Variants in SH3BGRL2 observed in about 807,000 individuals in gnomAD.
SH3BGRL2 encodes the protein SH3 domain binding glutamate rich protein like 2, also known as SH3 domain-binding glutamic acid-rich-like protein 2.
In SH3BGRL2, 21 loss-of-function variants were observed where a neutral mutation model predicts 14.8. The observed-to-expected ratio is 1.42, with a 90% CI of 1.01 to 2.05. The LOEUF (loss-of-function observed/expected upper bound fraction) is 2.05. Among genes scored for constraint, SH3BGRL2 ranks in the 30% most tolerant of loss-of-function variants. SH3BGRL2 has a pLI of 0.00. For synonymous variants in SH3BGRL2, 50 were observed against 47.8 expected (o/e 1.05, Z -0.19); for missense variants, 147 against 130.8 (o/e 1.12, Z -0.61).
upstream of SH3BGRL2, among the ~76,000 whole-genome samples, chr6:79,629,644 C>T (rs149252406): frequency 6.6e-6 from 1 of 152,318 alleles, no homozygotes; most frequent in Non-Finnish European, 1.5e-5. Context: ...TCTCACCCTG[C>T]ATCCTCCCTA....
intron 1 of SH3BGRL2, among the ~76,000 whole-genome samples, chr6:79,647,301 T>G (rs1408350026): frequency 6.6e-6 from 1 of 152,164 alleles, no homozygotes; most frequent in Admixed American, 6.5e-5. Context: ...TAATGTTGTT[T>G]TTTTTTAAAG....
the SH3BGRL2 span, among the ~76,000 whole-genome samples, chr6:79,560,179 C>A: frequency 6.6e-6 from 1 of 151,950 alleles, no homozygotes; most frequent in Non-Finnish European, 1.5e-5. Context: ...TCGAATATGA[C>A]CTAAACAAAG....
At chr6:79,612,759 T>G in the SH3BGRL2 span, among the ~76,000 whole-genome samples, 1 of 152,330 alleles carries the variant, frequency 6.6e-6, no homozygotes, top group Non-Finnish European at 1.5e-5. Flanking sequence ...CTCAAAAACC[T>G]ACTTGGTTTC....
the SH3BGRL2 span, among the ~76,000 whole-genome samples, chr6:79,614,673 C>T: frequency 6.6e-6 from 1 of 152,140 alleles, no homozygotes; most frequent in African/African-American, 2.4e-5. Flanking sequence ...ATGTTGAAGC[C>T]CTCACCCCTA....
At chr6:79,651,130 G>A (rs931483735) in intron 1 of SH3BGRL2, among the ~76,000 whole-genome samples, 1 of 152,076 alleles carries the variant, frequency 6.6e-6, no homozygotes, top group East Asian at 1.9e-4. Flanking sequence ...TTGCAGAGTG[G>A]CATCTACGCA....
intron 1 of SH3BGRL2, among the ~76,000 whole-genome samples, chr6:79,637,157 A>G (rs1170659050): frequency 6.6e-6 from 1 of 152,194 alleles, no homozygotes. Context: ...AGAAAATAGG[A>G]TTTATTAATA....
the SH3BGRL2 span, among the ~76,000 whole-genome samples, chr6:79,604,458 G>A: frequency 6.6e-6 from 1 of 152,144 alleles, no homozygotes. Context: ...AAGCATGTTG[G>A]AGAATGTTCC....
At position 79,651,109 on chromosome 6, in the gene SH3BGRL2, A is replaced by G. The variant is rs565875259; in HGVS notation, c.45+19603A>G. 4.6e-5 allele frequency among the ~76,000 whole-genome samples: 7 copies of G among 152,262 alleles called. No homozygotes were observed. The South Asian group carries it at 1.5e-3, about 32-fold the overall frequency. On this transcript the variant is annotated intron_variant, in intron 1 of 3. Transcript: ENST00000369838. ...CAGAAATGAGAACAACATATTACAA[A>G]ACACATTGTGTTGCAGAGTGGCATC...
the SH3BGRL2 span, among the ~76,000 whole-genome samples, chr6:79,584,892 C>A: frequency 6.6e-6 from 1 of 152,130 alleles, no homozygotes; most frequent in Non-Finnish European, 1.5e-5. Context: ...ATAGGATTCT[C>A]TCTTACAGAT....
At chr6:79,583,380 C>T in the SH3BGRL2 span, among the ~76,000 whole-genome samples, 1 of 152,184 alleles carries the variant, frequency 6.6e-6, no homozygotes, top group Non-Finnish European at 1.5e-5. Context: ...TTGGAACCAA[C>T]CCAAATGCCC....
intron 1 of SH3BGRL2, among the ~76,000 whole-genome samples, chr6:79,651,209 A>G (rs1769288036): frequency 1.3e-5 from 2 of 152,180 alleles, no homozygotes; most frequent in African/African-American, 2.4e-5. Flanking sequence ...TATCCTCAGC[A>G]GGATTTCCTT....
intron 1 of SH3BGRL2, among the ~76,000 whole-genome samples, chr6:79,666,157 G>A (rs1562152068): frequency 6.6e-6 from 1 of 152,172 alleles, no homozygotes; most frequent in South Asian, 2.1e-4. Context: ...CTCCTGGTAA[G>A]TCTGGAGGCT....
chr6:79,631,606 T>C (rs1768826919), intron 1 of SH3BGRL2, 100 bp downstream of exon 1: 2 of 888,532 alleles, frequency 2.3e-6, no homozygotes, highest in Non-Finnish European at 1.4e-6. Flanking sequence ...GCTCAGCCGG[T>C]CCGCCCGCGG....
At chr6:79,599,115 A>G in the SH3BGRL2 span, among the ~76,000 whole-genome samples, 3 of 152,036 alleles carry the variant, frequency 2.0e-5, no homozygotes, top group Non-Finnish European at 4.4e-5. Flanking sequence ...ACCTCATTCA[A>G]TACCAGATGG....
the SH3BGRL2 span, among the ~76,000 whole-genome samples, chr6:79,576,094 GGACCTT>G: frequency 6.6e-6 from 1 of 151,984 alleles, no homozygotes; most frequent in Admixed American, 6.6e-5. Context: ...AACAATGCAA[GGACCTT>G]AAAATATCTT....
chr6:79,543,852 C>T, the SH3BGRL2 span, among the ~76,000 whole-genome samples: 1 of 149,950 alleles, frequency 6.7e-6, no homozygotes, highest in Admixed American at 6.6e-5. Flanking sequence ...TTCAAGTTGT[C>T]TTCTTATGTT....
At chr6:79,673,327 C>T (rs560687835) in intron 1 of SH3BGRL2, among the ~76,000 whole-genome samples, 5 of 152,164 alleles carry the variant, frequency 3.3e-5, no homozygotes, top group South Asian at 4.2e-4. Flanking sequence ...GTAATCCCAG[C>T]ACTTTGGGAG....
rs889184983 is a variant in SH3BGRL2 at position 79,673,644 on chromosome 6, T to A, written c.76T>A (p.Phe26Ile). The part of the protein sequence containing the change: ...IKKKQQDVVR[F>I]LEANKIEFEE... Reference sequence around the variant, plus strand: ...GAAGAAGCAGCAAGATGTGGTTAGATTTCTGGAAGCCAACAAGATAGAGTT... The same window carrying A: ...GAAGAAGCAGCAAGATGTGGTTAGAATTCTGGAAGCCAACAAGATAGAGTT... The change falls in exon 2 of 4, where the codon TTT (phenylalanine) becomes ATT (isoleucine). Residue 26 changes from phenylalanine to isoleucine, a missense_variant. Physicochemically the swap from Phe to Ile is conservative, Grantham distance 21. Transcript: ENST00000369838. 1.2e-6 allele frequency: 2 copies of A among 1,614,018 alleles called. No homozygotes were observed. Among genetic ancestry groups the A allele is most frequent in the Non-Finnish European group, 1.7e-6 (2 of 1,180,022 alleles).
intron 2 of SH3BGRL2, among the ~76,000 whole-genome samples, chr6:79,674,844 GTTAC>G (rs1478598051): frequency 1.3e-5 from 2 of 152,140 alleles, no homozygotes; most frequent in Non-Finnish European, 2.9e-5. Flanking sequence ...CCTTTGGAAA[GTTAC>G]TTATCTTTTT....
Sources: allele counts gnomAD v4.1 joint callset (sites outside exome capture counted in the v4.1 genomes callset), GRCh38; gene constraint gnomAD v4.1.1; transcripts MANE v1.5; gene names NCBI Gene and HGNC (gene_info 2026-07-23, HGNC 2026-07-21).